The following EIF4ENIF1 variants were observed in gnomAD, a reference collection of about 807,000 sequenced individuals.
The protein encoded by EIF4ENIF1 is eukaryotic translation initiation factor 4E nuclear import factor 1, also known as eukaryotic translation initiation factor 4E transporter.
In EIF4ENIF1, 23 loss-of-function variants were observed where a neutral mutation model predicts 110.5. The observed-to-expected ratio is 0.21, with a 90% confidence interval of 0.15 to 0.29. EIF4ENIF1 has a LOEUF of 0.29. Among genes scored for constraint, EIF4ENIF1 ranks in the 10% least tolerant of loss-of-function variants. The pLI is 1.00. For synonymous variants in EIF4ENIF1, 440 were observed against 437.0 expected, an observed-to-expected ratio of 1.01 and a Z score of -0.09; for missense variants, 1,031 against 1,221.1, an observed-to-expected ratio of 0.84 and a Z score of 2.32.
At position 31,462,988 on chromosome 22, in the gene EIF4ENIF1, T is replaced by C; in HGVS notation, c.731A>G (p.Glu244Gly). The C allele has an allele frequency of 1.9e-6, 3 of 1,614,164 alleles. No individual in the cohort carries two copies. Among genetic ancestry groups the C allele is most frequent in the Non-Finnish European group, 2.5e-6 (3 of 1,180,036 alleles). ...TCTTTTTCTCCCTTTGTGATCTTCT[T>C]CTAGTATCTTATCATCAAAGCCAGT... ...ELTGFDDKIL[E>G]EDHKGRKRTR... Residue 244 changes from glutamate to glycine, a missense_variant, in exon 6 of 19, where the codon GAA becomes GGA. Around this residue, in one of 3 missense-constraint regions of EIF4ENIF1, gnomAD observed 704 missense variants for 879.7 expected, o/e 0.80. Coordinates refer to ENST00000330125, the MANE Select transcript of EIF4ENIF1 (RefSeq NM_019843.4).
intron 2 of EIF4ENIF1, among the ~76,000 whole-genome samples, chr22:31,482,742 G>A (rs1334812027): frequency 6.6e-6 from 1 of 151,850 alleles, no homozygotes; most frequent in African/African-American, 2.4e-5. Flanking sequence ...ATGGATGTGA[G>A]GCCAGGCGTG....
At chr22:31,479,690 T>G (rs1158119783) in intron 2 of EIF4ENIF1, among the ~76,000 whole-genome samples, 1 of 142,294 alleles carries the variant, frequency 7.0e-6, no homozygotes, top group African/African-American at 2.5e-5. Context: ...GAAAGGTGTT[T>G]TTTTTTTTTT....
intron 10 of EIF4ENIF1, among the ~76,000 whole-genome samples, chr22:31,453,802 T>C (rs569665282): frequency 6.6e-6 from 1 of 152,350 alleles, no homozygotes; most frequent in East Asian, 1.9e-4. Context: ...TGAACTTAAG[T>C]AGCTGAATAA....
At chr22:31,488,260 A>G (rs1302094212) in intron 2 of EIF4ENIF1, among the ~76,000 whole-genome samples, 1 of 152,216 alleles carries the variant, frequency 6.6e-6, no homozygotes, top group Non-Finnish European at 1.5e-5. Flanking sequence ...ATCAATACAG[A>G]GGACACTAAC....
At chr22:31,481,153 T>G (rs2051800565) in intron 2 of EIF4ENIF1, among the ~76,000 whole-genome samples, 1 of 152,000 alleles carries the variant, frequency 6.6e-6, no homozygotes, top group Non-Finnish European at 1.5e-5. Flanking sequence ...AGTTGACACA[T>G]TAAGATTGAA....
At chr22:31,458,233 A>C (rs890692583) in intron 7 of EIF4ENIF1, among the ~76,000 whole-genome samples, 16 of 151,908 alleles carry the variant, frequency 1.1e-4, no homozygotes, top group Admixed American at 4.6e-4. Flanking sequence ...AACTCAAAAA[A>C]AAAAAAACAA....
intron 14 of EIF4ENIF1, among the ~76,000 whole-genome samples, chr22:31,444,894 G>C (rs2050414341): frequency 6.6e-6 from 1 of 152,158 alleles, no homozygotes; most frequent in South Asian, 2.1e-4. Context: ...CACAGTCCCA[G>C]TCTTGTAAGA....
At chr22:31,463,267 A>C in intron 5 of EIF4ENIF1, 134 bp from the exon 6 acceptor site, 1 of 776,012 alleles carries the variant, frequency 1.3e-6, no homozygotes, top group Non-Finnish European at 2.0e-6. Flanking sequence ...CACCACCCCC[A>C]CCCCTTCCTC....
intron 3 of EIF4ENIF1, among the ~76,000 whole-genome samples, chr22:31,470,569 G>T (rs912633539): frequency 2.6e-5 from 4 of 151,970 alleles, no homozygotes; most frequent in Non-Finnish European, 5.9e-5. Flanking sequence ...GTGAGCCACT[G>T]CACCTGGCCC....
rs1455268465 is a variant in EIF4ENIF1 at position 31,477,371 on chromosome 22, A to AC, written c.97-5455_97-5454insG. On this transcript the variant is annotated intron_variant, in intron 2 of 18. Coordinates refer to ENST00000330125, the MANE Select transcript of EIF4ENIF1 (RefSeq NM_019843.4). ...ACCTCTGTCTCCAAAAAAAAAAAAAAAAACAAAAAAAACAAAAAAAGAGAA... is the reference window on the plus strand; with the variant it reads ...ACCTCTGTCTCCAAAAAAAAAAAAAACAAACAAAAAAAACAAAAAAAGAGAA... 9.5e-5 allele frequency among the ~76,000 whole-genome samples: 8 copies of AC among 83,934 alleles called. 1 individual carries two copies. In the South Asian group the frequency reaches 1.9e-3, roughly 20 times the overall value. The allele number at this position is 83,934 out of a possible 152,430, so 55.1% of individuals were successfully genotyped here.
chr22:31,439,642 G>C lies in EIF4ENIF1; in HGVS notation c.*238C>G, dbSNP rs987374543. 38 of 569,384 alleles carry C rather than the reference G, an allele frequency of 6.7e-5. No homozygotes were observed. The Middle Eastern group carries it at 2.9e-3, about 44-fold the overall frequency. The allele number at this position is 569,384 out of a possible 1,614,324, so 35.3% of individuals were successfully genotyped here. A position where few individuals can be genotyped will look rare whatever the true frequency, so the allele number is the denominator to read the frequency against. ...CTTCATTCACATATCTTACAAAAAA[G>C]AAAGACCATTTCCAGGATTGACAAC... On this transcript the variant is annotated 3_prime_UTR_variant, in exon 19 of 19. Transcript: ENST00000330125.
downstream of EIF4ENIF1, chr22:31,437,545 A>G (rs965016163): frequency 6.8e-6 from 1 of 146,394 alleles, no homozygotes; most frequent in African/African-American, 2.5e-5. Flanking sequence ...ACTCTTAGCA[A>G]TACTCCCTTA....
downstream of EIF4ENIF1, among the ~76,000 whole-genome samples, chr22:31,439,056 C>T (rs1230281754): frequency 1.3e-5 from 2 of 152,192 alleles, no homozygotes; most frequent in African/African-American, 4.8e-5. Flanking sequence ...CTTACTTAAA[C>T]TTCAGATCAC....
intron 2 of EIF4ENIF1, among the ~76,000 whole-genome samples, chr22:31,485,806 A>G (rs1396169019): frequency 2.6e-5 from 4 of 151,364 alleles, no homozygotes; most frequent in Non-Finnish European, 5.9e-5. Flanking sequence ...CTCCATCTCA[A>G]AAAAATAAAA....
In EIF4ENIF1 at chr22:31,440,884, A is replaced by G. The variant is rs1328550980; in HGVS notation, c.2552-16T>C. The G allele has an allele frequency of 6.2e-7, 1 of 1,613,622 alleles. No homozygotes were observed. The highest frequency in any genetic ancestry group is 8.5e-7 in the Non-Finnish European group (1 of 1,179,738). On this transcript the variant is annotated splice_polypyrimidine_tract_variant and intron_variant, in intron 17 of 18. Transcript: ENST00000330125. ...GGAAGCACACCTGTTGAGCAGAAAA[A>G]GCAAGCAGCTGAGTAGTCTTAATGT...
upstream of EIF4ENIF1, among the ~76,000 whole-genome samples, chr22:31,490,501 T>C (rs942999942): frequency 2.8e-4 from 42 of 152,150 alleles, no homozygotes; most frequent in African/African-American, 1.0e-3. Flanking sequence ...AAAGACAAAC[T>C]TGTCACGATT....
chr22:31,450,143 A>G (rs1383040175), intron 11 of EIF4ENIF1, 146 bp downstream of exon 11: 3 of 682,788 alleles, frequency 4.4e-6, no homozygotes, highest in Non-Finnish European at 7.8e-6. Context: ...AAGCAACACC[A>G]AACTATGTCA....
rs757724675 is a variant in EIF4ENIF1, at chr22:31,442,949, A to G, written c.2206+13T>C. The stretch of plus-strand genomic sequence containing the variant: ...TACTTTCTTGAGCAGTGCCCTTAAC[A>G]GCTCTGCAGTACCTTCACTGGCCTT... On this transcript the variant is annotated intron_variant, in intron 16 of 18. Transcript: ENST00000330125. The G allele has an allele frequency of 1.9e-6, 3 of 1,613,470 alleles. No individual in the cohort carries two copies. Among genetic ancestry groups the G allele is most frequent in the Non-Finnish European group, 2.5e-6 (3 of 1,179,734 alleles).
At chr22:31,466,916 G>A (rs1393811087) in intron 4 of EIF4ENIF1, among the ~76,000 whole-genome samples, 1 of 152,126 alleles carries the variant, frequency 6.6e-6, no homozygotes, top group South Asian at 2.1e-4. Flanking sequence ...CTTTAATTCT[G>A]TTATCACAAA....
Sources: allele counts gnomAD v4.1 joint callset (sites outside exome capture counted in the v4.1 genomes callset), GRCh38; gene constraint gnomAD v4.1.1; regional missense constraint gnomAD v4.1.1; transcripts MANE v1.5; gene names NCBI Gene and HGNC (gene_info 2026-07-23, HGNC 2026-07-21).